FBN1: variants seen among roughly 807,000 people sequenced by gnomAD.
FBN1 encodes fibrillin-1.
In FBN1, 29 loss-of-function variants were observed where a neutral mutation model predicts 365.1. That is an observed-to-expected ratio of 0.08 (90% CI 0.06 to 0.11). FBN1 has a LOEUF of 0.11. FBN1 is among the 10% of genes least tolerant of loss of function. The pLI, the probability that FBN1 is intolerant of heterozygous loss-of-function variation, is 1.00. For synonymous variants in FBN1, 1,210 were observed against 1,270.5 expected (o/e 0.95, Z 1.01); for missense variants, 2,476 against 3,703.2 (o/e 0.67, Z 8.60).
At chr15:48,641,468 CA>C (rs1890196859) in intron 2 of FBN1, 2 of 152,186 alleles carry the variant, frequency 1.3e-5, no homozygotes, top group African/African-American at 4.8e-5. Flanking sequence ...ATTTTGTAGT[CA>C]CCTGCCACAT....
chr15:48,558,460 C>CT (rs2044198680), intron 6 of FBN1, among the ~76,000 whole-genome samples: 1 of 152,032 alleles, frequency 6.6e-6, no homozygotes, highest in African/African-American at 2.4e-5. Flanking sequence ...CATAAATTAT[C>CT]TAAGTCATCT....
At chr15:48,543,893 T>C (rs929132340) in intron 6 of FBN1, among the ~76,000 whole-genome samples, 1 of 152,146 alleles carries the variant, frequency 6.6e-6, no homozygotes, top group Non-Finnish European at 1.5e-5. Context: ...TCATGATGTA[T>C]GCAACTTAAC....
chr15:48,601,543 G>C (rs1352027929), intron 4 of FBN1, among the ~76,000 whole-genome samples: 1 of 152,154 alleles, frequency 6.6e-6, no homozygotes, highest in Non-Finnish European at 1.5e-5. Context: ...GAAATCTGCT[G>C]TTTATGCTCA....
intron 23 of FBN1, 134 bp from the exon 24 acceptor site, chr15:48,492,720 T>G: frequency 8.3e-6 from 6 of 724,844 alleles, no homozygotes; most frequent in Non-Finnish European, 1.4e-5. Context: ...ACAAGTAGTT[T>G]GTGTAGAATT....
At chr15:48,549,991 G>A (rs1475625926) in intron 6 of FBN1, among the ~76,000 whole-genome samples, 2 of 152,156 alleles carry the variant, frequency 1.3e-5, no homozygotes, top group African/African-American at 4.8e-5. Context: ...TTCCCCAAAC[G>A]GCAGCAGGCA....
intron 24 of FBN1, 106 bp downstream of exon 24, chr15:48,492,355 G>T: frequency 9.0e-7 from 1 of 1,113,742 alleles, no homozygotes; most frequent in Non-Finnish European, 1.3e-6. Context: ...GAATTTTGGA[G>T]TGTGTGTCTG....
chr15:48,547,318 G>A (rs1366950396), intron 6 of FBN1, among the ~76,000 whole-genome samples: 4 of 152,156 alleles, frequency 2.6e-5, no homozygotes, highest in Non-Finnish European at 5.9e-5. Flanking sequence ...AACAATATGT[G>A]ATGGAATCCT....
In FBN1 at chr15:48,609,861, G is replaced by A. The variant is rs149296418; in HGVS notation, c.346+867C>T. On this transcript the variant is annotated intron_variant, in intron 4 of 65. Coordinates refer to ENST00000316623, the MANE Select transcript of FBN1 (RefSeq NM_000138.5). ...TGGCTTGTGAGAGACACACTCAAAT[G>A]TTCAGACTCTTAACAGGTAATGAGC... Among the ~76,000 whole-genome samples, 94 of 152,322 alleles carry A rather than the reference G, an allele frequency of 6.2e-4. 1 individual carries two copies. In the East Asian group the frequency reaches 0.018, roughly 29 times the overall value.
chr15:48,476,216 A>T (rs1304750784), intron 32 of FBN1, among the ~76,000 whole-genome samples: 1 of 152,234 alleles, frequency 6.6e-6, no homozygotes, highest in Non-Finnish European at 1.5e-5. Context: ...AAATACTCCC[A>T]AGCAGGGCTG....
intron 2 of FBN1, among the ~76,000 whole-genome samples, chr15:48,624,437 C>A (rs1449022054): frequency 6.6e-6 from 1 of 152,328 alleles, no homozygotes; most frequent in East Asian, 1.9e-4. Flanking sequence ...GGCCTACTGG[C>A]GTCACATGTC....
chr15:48,558,845 C>T (rs974141044), intron 6 of FBN1, among the ~76,000 whole-genome samples: 6 of 152,160 alleles, frequency 3.9e-5, no homozygotes, highest in African/African-American at 1.4e-4. Context: ...CTCTGACTTG[C>T]TGGTTAAAGC....
chr15:48,605,085 C>T (rs636178), intron 4 of FBN1, among the ~76,000 whole-genome samples: 11,759 of 152,010 alleles, frequency 0.077, 501 homozygotes, highest in Middle Eastern at 0.16. Flanking sequence ...GTAAAGGGCC[C>T]CAAATTGATA....
chr15:48,581,090 G>A (rs1454967678), intron 6 of FBN1, among the ~76,000 whole-genome samples: 2 of 152,140 alleles, frequency 1.3e-5, no homozygotes, highest in African/African-American at 4.8e-5. Flanking sequence ...ATTGCAAAAA[G>A]TGATCAGCTG....
At chr15:48,568,056 GA>G (rs1174964546) in intron 6 of FBN1, among the ~76,000 whole-genome samples, 63 of 73,128 alleles carry the variant, frequency 8.6e-4, no homozygotes, top group African/African-American at 2.1e-3. Flanking sequence ...AAAGAAGAAA[GA>G]AAGAAAGAAA....
At chr15:48,419,703 T>C (rs1001217709) in intron 63 of FBN1, among the ~76,000 whole-genome samples, 2 of 152,204 alleles carry the variant, frequency 1.3e-5, no homozygotes, top group African/African-American at 4.8e-5. Context: ...AAATATGTCT[T>C]CATCTGCATG....
chr15:48,633,782 A>G (rs1001747130), intron 2 of FBN1, among the ~76,000 whole-genome samples: 1 of 152,182 alleles, frequency 6.6e-6, no homozygotes, highest in African/African-American at 2.4e-5. Context: ...GAACTTGCAG[A>G]TACCAGTCCA....
At chr15:48,420,212 C>CG (rs1566891226) in intron 63 of FBN1, among the ~76,000 whole-genome samples, 1 of 152,012 alleles carries the variant, frequency 6.6e-6, no homozygotes, top group Non-Finnish European at 1.5e-5. Context: ...CAAAACAAAA[C>CG]AAAACACACA....
chr15:48,508,559 A>G (rs1277502241), intron 15 of FBN1, 23 bp downstream of exon 15: 1 of 1,613,588 alleles, frequency 6.2e-7, no homozygotes, highest in Non-Finnish European at 8.5e-7. Flanking sequence ...GAAGAACATG[A>G]TCTAGGGTTT....
chr15:48,527,947 A>G (rs981146294), intron 8 of FBN1, among the ~76,000 whole-genome samples: 1 of 152,248 alleles, frequency 6.6e-6, no homozygotes, highest in Middle Eastern at 3.2e-3. Flanking sequence ...TAATATCTCA[A>G]GGCAGCCACA....
Sources: allele counts gnomAD v4.1 joint callset (sites outside exome capture counted in the v4.1 genomes callset), GRCh38; gene constraint gnomAD v4.1.1; transcripts MANE v1.5; gene names NCBI Gene and HGNC (gene_info 2026-07-23, HGNC 2026-07-21).